Variants in COL28A1 observed in about 807,000 individuals in gnomAD.
COL28A1 encodes collagen alpha-1(XXVIII) chain.
In COL28A1, 161 loss-of-function variants were observed where a neutral mutation model predicts 150.2. The ratio of observed to expected loss-of-function variants is 1.07; its 90% CI spans 0.94 to 1.22. The LOEUF (loss-of-function observed/expected upper bound fraction) is 1.22, where lower values mean the gene tolerates loss of function less well. COL28A1 is among the 50% of genes most tolerant of loss of function. COL28A1 has a pLI of 0.00. For missense variants in COL28A1, 1,617 were observed against 1,388.3 expected, an observed-to-expected ratio of 1.16 and a Z score of -2.62; for synonymous variants, 552 against 469.7, an observed-to-expected ratio of 1.18 and a Z score of -2.26.
intron 13 of COL28A1, among the ~76,000 whole-genome samples, chr7:7,477,645 G>A (rs546752955): frequency 1.8e-4 from 27 of 152,174 alleles, no homozygotes; most frequent in Admixed American, 6.5e-4. Flanking sequence ...GGTCTCGCTG[G>A]CTTCAGGAGT....
chr7:7,536,888 G>A (rs1389439941), upstream of COL28A1, among the ~76,000 whole-genome samples: 1 of 152,110 alleles, frequency 6.6e-6, no homozygotes, highest in East Asian at 1.9e-4. Flanking sequence ...CCTATATACA[G>A]TAAGTCCTCA....
chr7:7,383,682 G>GTATATATATATATATATATATATATA (rs772285848), intron 27 of COL28A1, among the ~76,000 whole-genome samples: 1 of 124,096 alleles, frequency 8.1e-6, no homozygotes. Context: ...GTGTGTGTGT[G>GTATATATATATATATATATATATATA]TATATATATA....
intron 27 of COL28A1, among the ~76,000 whole-genome samples, chr7:7,399,911 A>C (rs1783071852): frequency 6.6e-6 from 1 of 152,258 alleles, no homozygotes. Flanking sequence ...GCCAGTATGC[A>C]ATGCCAGCCA....
intron 15 of COL28A1, among the ~76,000 whole-genome samples, chr7:7,463,746 TA>T (rs1787827234): frequency 6.6e-6 from 1 of 152,000 alleles, no homozygotes; most frequent in South Asian, 2.1e-4. Flanking sequence ...ACAGGACCTA[TA>T]AAACAAAAAT....
the COL28A1 span, among the ~76,000 whole-genome samples, chr7:7,344,260 G>GTCT: frequency 6.6e-6 from 1 of 152,004 alleles, no homozygotes; most frequent in African/African-American, 2.4e-5. Context: ...GGGAGCCACT[G>GTCT]CACCTGGCCT....
intron 11 of COL28A1, among the ~76,000 whole-genome samples, chr7:7,504,058 C>T (rs189720459): frequency 6.6e-6 from 1 of 152,154 alleles, no homozygotes; most frequent in African/African-American, 2.4e-5. Context: ...TAAAAGTCAA[C>T]CACAAAGTGC....
chr7:7,364,579 C>G (rs570717404), intron 33 of COL28A1, among the ~76,000 whole-genome samples: 8 of 152,166 alleles, frequency 5.3e-5, no homozygotes, highest in Admixed American at 6.5e-5. Context: ...CTAACCACCC[C>G]TTTGAGCTAC....
At chr7:7,514,927 G>A (rs1472678901) in intron 8 of COL28A1, among the ~76,000 whole-genome samples, 1 of 152,112 alleles carries the variant, frequency 6.6e-6, no homozygotes, top group Non-Finnish European at 1.5e-5. Flanking sequence ...GTTTTTGTAT[G>A]CCCTCCCAGC....
Position 7,370,749 on chromosome 7 carries a change from C to T in COL28A1, c.3042G>A (p.Glu1014=), listed in dbSNP as rs750470150. The stretch of plus-strand genomic sequence containing the variant: ...CTGACTCAGAAATTTCTTTTTGAGG[C>T]TCTGGAGTAGATTCACTGAGTTCTT... ...SGEELSESTP[E]PQKEISESLS... Residue 1014 remains glutamate, a synonymous_variant, in exon 33 of 35, where the codon GAG becomes GAA. Coordinates refer to ENST00000399429, the MANE Select transcript of COL28A1 (RefSeq NM_001037763.3). 3 of 1,612,654 alleles carry T rather than the reference C, an allele frequency of 1.9e-6. No individual in the cohort carries two copies. Among genetic ancestry groups the T allele is most frequent in the South Asian group, 2.2e-5 (2 of 90,586 alleles).
chr7:7,505,667 A>G (rs1780769756), intron 11 of COL28A1, among the ~76,000 whole-genome samples: 1 of 152,112 alleles, frequency 6.6e-6, no homozygotes. Context: ...TACATTTGAG[A>G]AATAGAGTGG....
chr7:7,528,285 G>T (rs1386529214), intron 3 of COL28A1, among the ~76,000 whole-genome samples: 1 of 152,070 alleles, frequency 6.6e-6, no homozygotes, highest in Non-Finnish European at 1.5e-5. Flanking sequence ...ATATATCCAG[G>T]ACTTTGGAAT....
At chr7:7,381,340 C>T (rs1417987626) in intron 28 of COL28A1, among the ~76,000 whole-genome samples, 2 of 152,130 alleles carry the variant, frequency 1.3e-5, no homozygotes, top group East Asian at 3.8e-4. Flanking sequence ...CTACCTGAAG[C>T]TCTCAAAGAA....
At position 7,453,403 on chromosome 7, in the gene COL28A1, T is replaced by G. The variant is rs762014314; in HGVS notation, c.1440+37A>C. On this transcript the variant is annotated intron_variant, in intron 17 of 34. Transcript: ENST00000399429. ...TGATCAGAAAACAGCAATTATACTA[T>G]AGATATATTAAACTCCGCTCTCATT... 4.8e-5 allele frequency: 43 copies of G among 898,942 alleles called. No individual in the cohort carries two copies. The South Asian group carries it at 5.6e-4, about 12-fold the overall frequency. 55.7% of individuals were successfully genotyped at this position (898,942 alleles called of 1,614,324 possible).
chr7:7,351,128 T>A, the COL28A1 span, among the ~76,000 whole-genome samples: 3 of 152,102 alleles, frequency 2.0e-5, no homozygotes, highest in African/African-American at 7.2e-5. Context: ...CATAAGAGTA[T>A]AAGAATTAGA....
At chr7:7,442,060 C>T (rs1041181403) in intron 20 of COL28A1, among the ~76,000 whole-genome samples, 5 of 152,272 alleles carry the variant, frequency 3.3e-5, no homozygotes, top group Admixed American at 1.3e-4. Flanking sequence ...TGTAATAAAT[C>T]GCCAACACTG....
At chr7:7,496,010 T>C (rs912162209) in intron 11 of COL28A1, among the ~76,000 whole-genome samples, 1 of 152,146 alleles carries the variant, frequency 6.6e-6, no homozygotes, top group African/African-American at 2.4e-5. Flanking sequence ...TGCCACAGGA[T>C]CTTTGCACAG....
chr7:7,344,486 T>C, the COL28A1 span, among the ~76,000 whole-genome samples: 1 of 152,150 alleles, frequency 6.6e-6, no homozygotes, highest in Admixed American at 6.6e-5. Context: ...ATTGAATTAC[T>C]TCAGATAAAA....
At chr7:7,410,642 C>CA (rs1783731981) in intron 27 of COL28A1, among the ~76,000 whole-genome samples, 1 of 131,016 alleles carries the variant, frequency 7.6e-6, no homozygotes, top group Non-Finnish European at 1.6e-5. Context: ...TTTTGTCTTC[C>CA]TTTTTTTTTT....
intron 15 of COL28A1, among the ~76,000 whole-genome samples, chr7:7,464,464 T>C (rs1453090388): frequency 6.6e-6 from 1 of 152,190 alleles, no homozygotes; most frequent in Non-Finnish European, 1.5e-5. Context: ...CCAAGCAGTC[T>C]TTCAGACCAC....
Sources: gnomAD v4.1 joint callset for allele counts (sites outside exome capture counted in the v4.1 genomes callset) on GRCh38, gnomAD v4.1.1 for gene constraint, MANE v1.5 for transcripts, NCBI Gene and HGNC (gene_info 2026-07-23, HGNC 2026-07-21) for gene names.